DOCK8: variants seen among roughly 807,000 people sequenced by gnomAD.
DOCK8 encodes the protein dedicator of cytokinesis protein 8.
DOCK8 carries 141 observed loss-of-function variants against 245.6 expected under a neutral mutation model. That is an observed-to-expected ratio of 0.57 (90% CI 0.50 to 0.66). DOCK8 has a LOEUF of 0.66. DOCK8 is among the 30% of genes least tolerant of loss of function. DOCK8 has a pLI of 0.00. For synonymous variants in DOCK8, 1,168 were observed against 970.2 expected (o/e 1.20, Z -3.79); for missense variants, 2,965 against 2,603.4 (o/e 1.14, Z -3.02).
rs139831393 is a variant in DOCK8, at chr9:421,294, C to G, written c.4153+216C>G. Among the ~76,000 whole-genome samples the G allele has an allele frequency of 5.1e-3, 781 of 152,330 alleles. 4 individuals are homozygous for G. Among genetic ancestry groups the G allele is most frequent in the African/African-American group, 0.016 (678 of 41,582 alleles). On this transcript the variant is annotated intron_variant, in intron 32 of 47. Transcript: ENST00000432829. ...TCTACAATTGTAGGAACCCTGAAAACAGCACCAAATGACATCTTTTAATTA... is the reference window on the plus strand; with the variant it reads ...TCTACAATTGTAGGAACCCTGAAAAGAGCACCAAATGACATCTTTTAATTA...
chr9:254,274 C>G (rs913537820), intron 1 of DOCK8, among the ~76,000 whole-genome samples: 7 of 152,174 alleles, frequency 4.6e-5, no homozygotes, highest in Admixed American at 3.9e-4. Context: ...CTGAAAAAGA[C>G]CATCCTCCTA....
chr9:297,436 T>G (rs1363696558), intron 4 of DOCK8, among the ~76,000 whole-genome samples: 1 of 152,190 alleles, frequency 6.6e-6, no homozygotes, highest in Non-Finnish European at 1.5e-5. Context: ...GAATAGTGTT[T>G]TAAGAAAAGG....
chr9:420,904 G>A, intron 31 of DOCK8, 45 bp from the exon 32 acceptor site: 1 of 1,613,702 alleles, frequency 6.2e-7, no homozygotes, highest in East Asian at 2.2e-5. Flanking sequence ...CCCATCAACG[G>A]AGATCTCACC....
At chr9:358,614 C>A (rs551900721) in intron 14 of DOCK8, among the ~76,000 whole-genome samples, 2 of 149,338 alleles carry the variant, frequency 1.3e-5, no homozygotes, top group Non-Finnish European at 3.0e-5. Context: ...TTTGGGAGGC[C>A]GAGGTGGGCG....
chr9:359,211 T>TTA (rs2052601318), intron 14 of DOCK8, among the ~76,000 whole-genome samples: 2 of 152,244 alleles, frequency 1.3e-5, no homozygotes, highest in Admixed American at 6.5e-5. Context: ...AACATCCCTT[T>TTA]AGCCCTTGTA....
chr9:427,288 G>A (rs745671996), intron 34 of DOCK8, among the ~76,000 whole-genome samples: 1 of 152,254 alleles, frequency 6.6e-6, no homozygotes, highest in Non-Finnish European at 1.5e-5. Context: ...TGGGTTTATC[G>A]TTTAGTATCT....
chr9:304,533 GCTCT>G (rs756458962), intron 4 of DOCK8, 44 bp from the exon 5 acceptor site: 12 of 1,611,598 alleles, frequency 7.4e-6, no homozygotes, highest in Non-Finnish European at 1.0e-5. Flanking sequence ...ATGGTTTGCC[GCTCT>G]CTCTCCCTCT....
Position 396,668 on chromosome 9 carries a change from TA to T in DOCK8, c.2971-114del, listed in dbSNP as rs755088791. The stretch of plus-strand genomic sequence containing the variant: ...CTTGCTCGGGCACCACCAGCACAGA[TA>T]AAGTGTCAGAAAATCCATTGTTAGA... On this transcript the variant is annotated intron_variant, in intron 24 of 47. Transcript: ENST00000432829. 11 of 1,417,296 alleles carry T rather than the reference TA, an allele frequency of 7.8e-6. No individual in the cohort carries two copies. In the East Asian group the frequency reaches 2.3e-4, roughly 29 times the overall value. 87.8% of individuals were successfully genotyped at this position (1,417,296 alleles called of 1,614,324 possible).
chr9:290,010 G>A (rs973969043), intron 4 of DOCK8, among the ~76,000 whole-genome samples: 1 of 152,000 alleles, frequency 6.6e-6, no homozygotes, highest in African/African-American at 2.4e-5. Flanking sequence ...CTTTTTTACT[G>A]TCTCCATAAT....
intron 32 of DOCK8, among the ~76,000 whole-genome samples, chr9:421,419 C>T (rs1241017500): frequency 6.6e-6 from 1 of 152,076 alleles, no homozygotes; most frequent in East Asian, 2.0e-4. Context: ...TGACCTTTGG[C>T]TAGTCTATCC....
At chr9:297,061 C>T (rs1396875821) in intron 4 of DOCK8, among the ~76,000 whole-genome samples, 1 of 152,072 alleles carries the variant, frequency 6.6e-6, no homozygotes, top group African/African-American at 2.4e-5. Context: ...CTGCCTTGTT[C>T]TGATGCACCT....
chr9:248,533 CTT>C (rs1213062043), intron 1 of DOCK8, among the ~76,000 whole-genome samples: 3 of 76,564 alleles, frequency 3.9e-5, no homozygotes, highest in African/African-American at 1.2e-4. Context: ...CCCTCTCTCT[CTT>C]TCTTTCTTTC....
At chr9:230,560 C>G (rs920986338) in intron 1 of DOCK8, among the ~76,000 whole-genome samples, 4 of 152,074 alleles carry the variant, frequency 2.6e-5, no homozygotes, top group African/African-American at 9.7e-5. Flanking sequence ...TCTCCGGCAC[C>G]TGTTGTTTCC....
chr9:431,610 G>T lies in DOCK8; in HGVS notation c.4627-556G>T, dbSNP rs10814890. 2.9e-4 allele frequency among the ~76,000 whole-genome samples: 44 copies of T among 151,914 alleles called. 1 individual carries two copies. The highest frequency in any genetic ancestry group is 4.6e-4 in the Non-Finnish European group (31 of 67,992). ...TGCAACCTCTGCCTACCAGGTTTAA[G>T]CAATTCTCCTGCCTCAGCCTCTCGA... On this transcript the variant is annotated intron_variant, in intron 36 of 47. Transcript: ENST00000432829.
chr9:376,198 T>C lies in DOCK8; in HGVS notation c.2110-12T>C. On this transcript the variant is annotated splice_polypyrimidine_tract_variant and intron_variant, in intron 18 of 47. Transcript: ENST00000432829. ...TTGGATTGCTAATCTTTTTTTTTTC[T>C]CTTTAACACAGAAAGTCCCATTACA... is the stretch of plus-strand genomic sequence containing the variant. 1.9e-6 allele frequency: 3 copies of C among 1,574,172 alleles called. No homozygotes were observed. The highest frequency in any genetic ancestry group is 1.1e-5 in the South Asian group (1 of 90,212).
Position 334,332 on chromosome 9 carries a change from C to T in DOCK8, c.1233C>T (p.Phe411=), listed in dbSNP as rs1223652241. 1.4e-5 allele frequency: 22 copies of T among 1,614,050 alleles called. No homozygotes were observed. The highest frequency in any genetic ancestry group is 1.9e-5 in the Non-Finnish European group (22 of 1,180,018). ...FAWAPISLSS[F]FNVSTLEREV... The stretch of plus-strand genomic sequence containing the variant: ...GGGCACCCATAAGCTTATCAAGCTT[C>T]TTCAATGTCTCCACCCTTGAGAGGG... The change falls in exon 11 of 48, where the codon TTC becomes TTT. Residue 411 remains phenylalanine (F), a synonymous_variant. Transcript: ENST00000432829.
At chr9:279,461 C>A (rs973251749) in intron 2 of DOCK8, among the ~76,000 whole-genome samples, 2 of 152,154 alleles carry the variant, frequency 1.3e-5, no homozygotes, top group Non-Finnish European at 2.9e-5. Flanking sequence ...AACTCCAGGG[C>A]ACTGCATAGC....
intron 33 of DOCK8, 81 bp downstream of exon 33, chr9:422,216 A>G (rs2056306339): frequency 1.8e-6 from 2 of 1,122,578 alleles, no homozygotes; most frequent in Non-Finnish European, 2.7e-6. Context: ...TACTGAAACA[A>G]CTGCATCCTT....
At chr9:398,119 G>A (rs528416580) in intron 25 of DOCK8, among the ~76,000 whole-genome samples, 6 of 152,144 alleles carry the variant, frequency 3.9e-5, no homozygotes, top group African/African-American at 1.4e-4. Flanking sequence ...GAACAGCATG[G>A]TATCTCCACA....
Sources: gnomAD v4.1 joint callset for allele counts (sites outside exome capture counted in the v4.1 genomes callset) on GRCh38, gnomAD v4.1.1 for gene constraint, MANE v1.5 for transcripts, NCBI Gene and HGNC (gene_info 2026-07-23, HGNC 2026-07-21) for gene names.